MAP4K1: variants seen among roughly 807,000 people sequenced by gnomAD.
MAP4K1 encodes MAPK/ERK kinase kinase kinase 1.
Under a neutral mutation model 122.8 loss-of-function variants are expected in MAP4K1, and 35 were observed. The observed-to-expected ratio is 0.29, with a 90% CI of 0.22 to 0.38. MAP4K1 has a LOEUF of 0.38. MAP4K1 is among the 10% of genes least tolerant of loss of function. The pLI, the probability that MAP4K1 is intolerant of heterozygous loss-of-function variation, is 1.00. For synonymous variants in MAP4K1, 412 were observed against 421.3 expected (o/e 0.98, Z 0.27); for missense variants, 791 against 1,072.6 (o/e 0.74, Z 3.67).
intron 19 of MAP4K1, among the ~76,000 whole-genome samples, chr19:38,602,451 T>C (rs968381728): frequency 6.8e-6 from 1 of 146,114 alleles, no homozygotes; most frequent in Non-Finnish European, 1.6e-5. Flanking sequence ...CACACACACA[T>C]ACATATATAC....
chr19:38,596,597 G>A lies in MAP4K1; in HGVS notation c.1942-111C>T, dbSNP rs143142086. 1.0e-3 allele frequency: 958 copies of A among 933,678 alleles called. 8 individuals are homozygous for A. In the African/African-American group the frequency reaches 0.014, roughly 14 times the overall value. 57.8% of individuals were successfully genotyped at this position (933,678 alleles called of 1,614,324 possible). On this transcript the variant is annotated intron_variant, in intron 25 of 30. Coordinates refer to ENST00000396857, the MANE Select transcript of MAP4K1 (RefSeq NM_001042600.3). ...CCGAACCAGGGCCCTAAGTCTTGGG[G>A]GATGCCGTCTAGAAATGTCAGGGGA...
In MAP4K1 at chr19:38,597,336, C is replaced by T. The variant is rs368281541; in HGVS notation, c.1827G>A (p.Ala609=). 8.7e-6 allele frequency: 14 copies of T among 1,613,942 alleles called. No individual in the cohort carries two copies. Among genetic ancestry groups the T allele is most frequent in the African/African-American group, 2.7e-5 (2 of 74,920 alleles). The change falls in exon 24 of 31, where the codon GCG becomes GCA. Residue 609 remains alanine, a synonymous_variant. Coordinates refer to ENST00000396857, the MANE Select transcript of MAP4K1 (RefSeq NM_001042600.3). The surrounding 1 kb of genome is among the most constrained non-coding windows in gnomAD (Gnocchi z 4.6). The part of the protein sequence containing the change: ...TKIQDTKGCR[A]CCVAEGASSG... ...GAAGCTCTCTCTCACCCACACAGCA[C>T]GCCCGGCAGCCTTTGGTGTCCTGGA...
intron 19 of MAP4K1, among the ~76,000 whole-genome samples, chr19:38,605,161 G>A (rs1021168325): frequency 6.6e-6 from 1 of 151,486 alleles, no homozygotes; most frequent in East Asian, 1.9e-4. Context: ...TATGACCTTG[G>A]GTAAGCCACT....
chr19:38,592,619 T>TA (rs1036468687), intron 30 of MAP4K1: 3 of 143,862 alleles, frequency 2.1e-5, no homozygotes, highest in Non-Finnish European at 4.5e-5. Flanking sequence ...GAATTAAAAT[T>TA]AAAAAATAAA....
At position 38,616,280 on chromosome 19, in the gene MAP4K1, G is replaced by T. The variant is rs115815388; in HGVS notation, c.249-21C>A. On this transcript the variant is annotated intron_variant, in intron 3 of 30. Transcript: ENST00000396857. The stretch of plus-strand genomic sequence containing the variant: ...GCAACCTGCAGTGGTTCAAGAGTAA[G>T]AATAATAATAGCAGTAAATACATTA... 1,300 of 1,591,734 alleles carry T rather than the reference G, an allele frequency of 8.2e-4. 8 individuals carry two copies. In the African/African-American group the frequency reaches 0.013, roughly 16 times the overall value.
intron 16 of MAP4K1, 101 bp from the exon 17 acceptor site, chr19:38,606,316 G>A: frequency 1.6e-6 from 1 of 621,942 alleles, no homozygotes; most frequent in Non-Finnish European, 2.9e-6. Flanking sequence ...GGGGTCTGAG[G>A]TGAGGAGGAT....
chr19:38,612,320 T>C (rs1040520651), intron 9 of MAP4K1, among the ~76,000 whole-genome samples: 1 of 151,302 alleles, frequency 6.6e-6, no homozygotes, highest in Non-Finnish European at 1.5e-5. Context: ...CTCGGGAGGC[T>C]GAGGCAGGAA....
At position 38,595,700 on chromosome 19, in the gene MAP4K1, A is replaced by T. The variant is rs1180296636; in HGVS notation, c.2209T>A (p.Ser737Thr). Residue 737 changes from serine (S) to threonine (T), a missense_variant, in exon 28 of 31, where the codon TCC becomes ACC. This residue lies in a region of MAP4K1 where 267 missense variants were observed against 323.0 expected (regional missense o/e 0.83). Coordinates refer to ENST00000396857, the MANE Select transcript of MAP4K1 (RefSeq NM_001042600.3). ...GSVKLVTPEG[S>T]PVRGLRTPEI... is the part of the protein sequence containing the mutation. ...GGTGTGCGAAGTCCCCGGACTGGGG[A>T]CCCCTCCGGGGTCACCAGCTTCACA... The T allele has an allele frequency of 6.2e-7, 1 of 1,611,228 alleles. No homozygotes were observed. The highest frequency in any genetic ancestry group is 1.7e-5 in the Admixed American group (1 of 59,510).
intron 19 of MAP4K1, among the ~76,000 whole-genome samples, chr19:38,602,899 T>C (rs558672379): frequency 1.3e-5 from 2 of 149,046 alleles, no homozygotes; most frequent in African/African-American, 4.9e-5. Flanking sequence ...CACATGTACA[T>C]ATATACACAC....
chr19:38,602,727 TAC>T (rs958905703), intron 19 of MAP4K1, among the ~76,000 whole-genome samples: 4 of 148,466 alleles, frequency 2.7e-5, no homozygotes, highest in African/African-American at 1.0e-4. Flanking sequence ...TACACACATA[TAC>T]ATGTATACAT....
In MAP4K1 at chr19:38,613,993, G is replaced by A. The variant is rs577866075; in HGVS notation, c.461-41C>T. On this transcript the variant is annotated intron_variant, in intron 7 of 30. Coordinates refer to ENST00000396857, the MANE Select transcript of MAP4K1 (RefSeq NM_001042600.3). ...GACATAGTGATCTGGGGTCCACTGCGCTTCCGGCCCCCCAGTCAGCCCCCC... is the reference window on the plus strand; with the variant it reads ...GACATAGTGATCTGGGGTCCACTGCACTTCCGGCCCCCCAGTCAGCCCCCC... The A allele has an allele frequency of 5.8e-5, 93 of 1,612,632 alleles. 1 individual carries two copies. In the South Asian group the frequency reaches 6.7e-4, roughly 12 times the overall value.
intron 22 of MAP4K1, among the ~76,000 whole-genome samples, chr19:38,598,962 G>C (rs527701641): frequency 7.0e-6 from 1 of 143,212 alleles, no homozygotes; most frequent in Non-Finnish European, 1.5e-5. Flanking sequence ...GCAGTGAGCC[G>C]AGACTGCGCC....
intron 19 of MAP4K1, among the ~76,000 whole-genome samples, chr19:38,603,021 T>C (rs529386216): frequency 5.5e-5 from 8 of 146,360 alleles, no homozygotes; most frequent in Non-Finnish European, 9.0e-5. Context: ...CACATATACA[T>C]GTATACATAT....
intron 19 of MAP4K1, among the ~76,000 whole-genome samples, chr19:38,603,211 TATATACACATATAC>T (rs1486873136): frequency 2.0e-5 from 3 of 148,384 alleles, no homozygotes; most frequent in African/African-American, 5.0e-5. Flanking sequence ...TACACATACA[TATATACACATATAC>T]ATATACACAT....
At chr19:38,608,195 C>G (rs1205367728) in intron 13 of MAP4K1, 25 bp from the exon 14 acceptor site, 2 of 1,362,372 alleles carry the variant, frequency 1.5e-6, no homozygotes, top group Non-Finnish European at 2.0e-6. Context: ...GGAAGATAAC[C>G]TGCTGTGAGC....
chr19:38,595,625 C>T lies in MAP4K1; in HGVS notation c.2269+15G>A, dbSNP rs772539689. 5 of 1,613,788 alleles carry T rather than the reference C, an allele frequency of 3.1e-6. No homozygotes were observed. The highest frequency in any genetic ancestry group is 4.2e-6 in the Non-Finnish European group (5 of 1,179,860). Reference sequence around the variant, plus strand: ...TTCCACCCCTGATCCTGGGCTCTCCCGTCCCTGCACAGACCCACGGCCTCC... The same window carrying T: ...TTCCACCCCTGATCCTGGGCTCTCCTGTCCCTGCACAGACCCACGGCCTCC... On this transcript the variant is annotated intron_variant, in intron 28 of 30. Coordinates refer to ENST00000396857, the MANE Select transcript of MAP4K1 (RefSeq NM_001042600.3).
At chr19:38,601,159 G>C (rs1975051547) in intron 20 of MAP4K1, among the ~76,000 whole-genome samples, 1 of 151,920 alleles carries the variant, frequency 6.6e-6, no homozygotes, top group Non-Finnish European at 1.5e-5. Context: ...ATGTTGGCCA[G>C]GCTGGTCTTG....
intron 19 of MAP4K1, 48 bp from the exon 20 acceptor site, chr19:38,601,573 A>G (rs752315344): frequency 1.4e-6 from 2 of 1,445,068 alleles, no homozygotes; most frequent in Non-Finnish European, 1.9e-6. Flanking sequence ...CAAAGAGAGC[A>G]GGGAACAGGA....
At chr19:38,594,529 A>G (rs1974812928) in intron 29 of MAP4K1, among the ~76,000 whole-genome samples, 1 of 151,976 alleles carries the variant, frequency 6.6e-6, no homozygotes, top group Non-Finnish European at 1.5e-5. Flanking sequence ...AATCCCAGCT[A>G]CTCGGGAGGC....
Sources: allele counts gnomAD v4.1 joint callset (sites outside exome capture counted in the v4.1 genomes callset), GRCh38; gene constraint gnomAD v4.1.1; regional missense constraint gnomAD v4.1.1; non-coding constraint Gnocchi (gnomAD v3.1); transcripts MANE v1.5; gene names NCBI Gene and HGNC (gene_info 2026-07-23, HGNC 2026-07-21).